AFF3: variants seen among roughly 807,000 people sequenced by gnomAD.
The protein encoded by AFF3 is AF4/FMR2 family member 3.
A neutral mutation model predicts 129.7 loss-of-function variants in AFF3; 32 were observed. The observed-to-expected ratio is 0.25, with a 90% CI of 0.19 to 0.33. AFF3 has a LOEUF of 0.33. Ranked by LOEUF, AFF3 falls within the 10% of genes least tolerant of loss-of-function variation. AFF3 has a pLI of 1.00. For synonymous variants in AFF3, 644 were observed against 635.4 expected (o/e 1.01, Z -0.20); for missense variants, 1,373 against 1,592.0 (o/e 0.86, Z 2.34).
chr2:100,054,795 T>C lies in AFF3; in HGVS notation c.54-45863A>G, dbSNP rs561599829. On this transcript the variant is annotated intron_variant, in intron 4 of 24. Transcript: ENST00000672756. ...CCTACCAAATGGCCATCTGATCCAC[T>C]TGTACACCTCTTAGAGACAAGACTG... Among the ~76,000 whole-genome samples, 166 of 152,312 alleles carry C rather than the reference T, an allele frequency of 1.1e-3. 1 individual carries two copies. The highest frequency in any genetic ancestry group is 3.7e-3 in the African/African-American group (154 of 41,556).
intron 13 of AFF3, among the ~76,000 whole-genome samples, chr2:99,640,162 G>A (rs1189586027): frequency 1.3e-5 from 2 of 152,086 alleles, no homozygotes; most frequent in Non-Finnish European, 2.9e-5. Context: ...TAATAGAAGG[G>A]ATATTTCTTA....
chr2:99,716,765 C>T (rs1460501857), intron 11 of AFF3, among the ~76,000 whole-genome samples: 4 of 151,990 alleles, frequency 2.6e-5, no homozygotes, highest in Non-Finnish European at 5.9e-5. Flanking sequence ...CCTGTAATCG[C>T]AGCTACTTTG....
In AFF3 at chr2:99,985,041, G is replaced by T. The variant is rs572172156; in HGVS notation, c.873+21591C>A. Among the ~76,000 whole-genome samples, 9 of 152,242 alleles carry T rather than the reference G, an allele frequency of 5.9e-5. No homozygotes were observed. In the South Asian group the frequency reaches 1.9e-3, roughly 32 times the overall value. ...GGCTACCACTCTAACAGCTGCTCTC[G>T]TAATTAAGAACAGATTTCATCACTA... On this transcript the variant is annotated intron_variant, in intron 7 of 24. Transcript: ENST00000672756.
intron 7 of AFF3, among the ~76,000 whole-genome samples, chr2:99,896,050 C>T (rs1693916755): frequency 8.8e-6 from 1 of 113,434 alleles, no homozygotes; most frequent in Non-Finnish European, 1.6e-5. Flanking sequence ...GTCTGAGTGA[C>T]AGAGTGAGAC....
chr2:99,736,897 A>C (rs1352727875), intron 10 of AFF3, among the ~76,000 whole-genome samples: 1 of 152,184 alleles, frequency 6.6e-6, no homozygotes, highest in Admixed American at 6.5e-5. Flanking sequence ...GGCGTGAGCC[A>C]CCACGCCCGG....
chr2:99,741,039 C>T (rs1431958885), intron 10 of AFF3, among the ~76,000 whole-genome samples: 1 of 152,156 alleles, frequency 6.6e-6, no homozygotes, highest in African/African-American at 2.4e-5. Context: ...GTTTTCCCAG[C>T]ACCATTTATT....
intron 13 of AFF3, among the ~76,000 whole-genome samples, chr2:99,648,486 T>G (rs1018980422): frequency 6.6e-6 from 1 of 152,118 alleles, no homozygotes; most frequent in Non-Finnish European, 1.5e-5. Context: ...TTTGTGAAAA[T>G]CCCAAAAGCA....
intron 8 of AFF3, among the ~76,000 whole-genome samples, chr2:99,789,917 C>T (rs1685079722): frequency 9.2e-5 from 14 of 152,202 alleles, no homozygotes; most frequent in Admixed American, 9.2e-4. Context: ...CTAATTTCAA[C>T]AATGAAAGGA....
At chr2:99,900,443 A>G (rs556368264) in intron 7 of AFF3, among the ~76,000 whole-genome samples, 2 of 151,798 alleles carry the variant, frequency 1.3e-5, no homozygotes, top group East Asian at 3.9e-4. Context: ...TCCCCTTCTC[A>G]GTGACCACCC....
chr2:100,024,053 A>C (rs1683821673), intron 4 of AFF3, among the ~76,000 whole-genome samples: 2 of 149,770 alleles, frequency 1.3e-5, no homozygotes, highest in South Asian at 4.2e-4. Flanking sequence ...TAACACGGTG[A>C]AACCCTGACT....
At chr2:99,776,605 T>C (rs1219315257) in intron 8 of AFF3, among the ~76,000 whole-genome samples, 1 of 152,238 alleles carries the variant, frequency 6.6e-6, no homozygotes, top group Non-Finnish European at 1.5e-5. Flanking sequence ...GAAATTATAT[T>C]TCAAACAAGC....
chr2:99,602,512 G>C (rs966312538), intron 13 of AFF3, among the ~76,000 whole-genome samples: 3 of 152,248 alleles, frequency 2.0e-5, no homozygotes, highest in Middle Eastern at 6.8e-3. Context: ...CACCCAGAAA[G>C]TGTTTGAGCA....
chr2:99,638,351 G>T (rs1683858962), intron 13 of AFF3, among the ~76,000 whole-genome samples: 3 of 151,976 alleles, frequency 2.0e-5, no homozygotes, highest in African/African-American at 7.3e-5. Flanking sequence ...TGAGCCACTG[G>T]CCAGAACCAG....
intron 4 of AFF3, among the ~76,000 whole-genome samples, chr2:100,068,310 T>C (rs894549071): frequency 2.6e-5 from 4 of 152,118 alleles, no homozygotes; most frequent in Non-Finnish European, 5.9e-5. Flanking sequence ...ACAAAGGAAA[T>C]TAACTGGGAG....
rs1291432738 is a variant in AFF3, at chr2:99,548,234, C to T, written c.*3240G>A. On this transcript the variant is annotated 3_prime_UTR_variant, in exon 25 of 25. Transcript: ENST00000672756. ...GTGTTGAACTTTGGAGGCAAATGTA[C>T]GTCTTCAAATAAAAAGACATGGTAA... The T allele has an allele frequency of 4.1e-5, 8 of 196,514 alleles. No homozygotes were observed. The highest frequency in any genetic ancestry group is 1.8e-4 in the Admixed American group (3 of 16,454). The allele number at this position is 196,514 out of a possible 1,614,324, so 12.2% of individuals were successfully genotyped here.
intron 18 of AFF3, among the ~76,000 whole-genome samples, chr2:99,570,971 A>G (rs532402303): frequency 3.3e-4 from 51 of 152,294 alleles, no homozygotes; most frequent in African/African-American, 1.2e-3. Context: ...CTCACACAGC[A>G]CTTCTTGTTT....
Position 99,624,951 on chromosome 2 carries a change from G to C in AFF3, c.1185-23330C>G, listed in dbSNP as rs143340598. ...TTTCCAAACAGGCCCAGTGCTTGCA[G>C]CAAGCACCACACACACTTGACACAC... On this transcript the variant is annotated intron_variant, in intron 13 of 24. Transcript: ENST00000672756. 4.4e-3 allele frequency among the ~76,000 whole-genome samples: 665 copies of C among 152,282 alleles called. 3 individuals carry two copies. The highest frequency in any genetic ancestry group is 0.015 in the African/African-American group (629 of 41,548).
At position 99,931,338 on chromosome 2, in the gene AFF3, A is replaced by G. The variant is rs186344318; in HGVS notation, c.873+75294T>C. ...CAAAGAATTAGGCTGGTGCAAAAGT[A>G]ACTGCAGCGTTGCCATTAAAAGCAA... On this transcript the variant is annotated intron_variant, in intron 7 of 24. Transcript: ENST00000672756. Among the ~76,000 whole-genome samples the G allele has an allele frequency of 2.8e-4, 43 of 152,354 alleles. 1 individual carries two copies. The East Asian group carries it at 7.9e-3, about 28-fold the overall frequency.
At chr2:99,765,664 G>A (rs1682950639) in intron 8 of AFF3, among the ~76,000 whole-genome samples, 1 of 152,170 alleles carries the variant, frequency 6.6e-6, no homozygotes, top group African/African-American at 2.4e-5. Context: ...AATTATTGCT[G>A]TATTGCTACC....
Sources: allele counts gnomAD v4.1 joint callset (sites outside exome capture counted in the v4.1 genomes callset), GRCh38; gene constraint gnomAD v4.1.1; transcripts MANE v1.5; gene names NCBI Gene and HGNC (gene_info 2026-07-23, HGNC 2026-07-21).